GFOD1: variants seen among roughly 807,000 people sequenced by gnomAD.
The protein encoded by GFOD1 is glucose-fructose oxidoreductase domain-containing protein 1.
A neutral mutation model predicts 25.4 loss-of-function variants in GFOD1; 9 were observed. The ratio of observed to expected loss-of-function variants is 0.35; its 90% CI spans 0.21 to 0.62. The LOEUF (loss-of-function observed/expected upper bound fraction) is 0.62, where lower values mean the gene tolerates loss of function less well. Among genes scored for constraint, GFOD1 ranks in the 20% least tolerant of loss-of-function variants. GFOD1 has a pLI of 0.72. For synonymous variants in GFOD1, 253 were observed against 245.6 expected, an observed-to-expected ratio of 1.03 and a Z score of -0.28; for missense variants, 403 against 556.9, an observed-to-expected ratio of 0.72 and a Z score of 2.78.
At chr6:13,381,585 C>T (rs749279980) in intron 1 of GFOD1, among the ~76,000 whole-genome samples, 39 of 152,180 alleles carry the variant, frequency 2.6e-4, no homozygotes, top group Non-Finnish European at 5.4e-4. Flanking sequence ...ACAAGTCTGG[C>T]CTGGGGCTCC....
chr6:13,434,545 G>A (rs944098214), intron 1 of GFOD1, among the ~76,000 whole-genome samples: 1 of 152,292 alleles, frequency 6.6e-6, no homozygotes, highest in African/African-American at 2.4e-5. Flanking sequence ...AGGGCATTAT[G>A]GGAACACAGA....
At chr6:13,465,318 C>A (rs151027780) in intron 1 of GFOD1, among the ~76,000 whole-genome samples, 1 of 152,116 alleles carries the variant, frequency 6.6e-6, no homozygotes, top group Non-Finnish European at 1.5e-5. Flanking sequence ...ATGCATCCCA[C>A]AGGCAGGGGT....
intron 1 of GFOD1, among the ~76,000 whole-genome samples, chr6:13,419,081 A>T (rs949626714): frequency 6.6e-6 from 1 of 152,180 alleles, no homozygotes; most frequent in African/African-American, 2.4e-5. Flanking sequence ...AAGGCTTGGC[A>T]TGGAGGAGAA....
In GFOD1 at chr6:13,460,584, A is replaced by C. The variant is rs115475458; in HGVS notation, c.253+26054T>G. Reference sequence around the variant, plus strand: ...CTGTGAACAGAAAAGCAAACACTACATGTTCTAACTTATAAGTGGGAGCTG... The same window carrying C: ...CTGTGAACAGAAAAGCAAACACTACCTGTTCTAACTTATAAGTGGGAGCTG... On this transcript the variant is annotated intron_variant, in intron 1 of 1. Coordinates refer to ENST00000379287, the MANE Select transcript of GFOD1 (RefSeq NM_018988.4). 3.4e-3 allele frequency among the ~76,000 whole-genome samples: 511 copies of C among 152,150 alleles called. 3 individuals are homozygous for C. Among genetic ancestry groups the C allele is most frequent in the African/African-American group, 0.012 (479 of 41,534 alleles).
In GFOD1 at chr6:13,486,821, C is replaced by G; in HGVS notation, c.70G>C (p.Glu24Gln). ...CACAGCGCCTTCACCGCGAAGCCCT[C>G]GTCTTTCAGCAGCGGGATGATGACA... ...ARVIIPLLKD[E>Q]GFAVKALWGR... The change falls in exon 1 of 2, where the codon GAG becomes CAG. Residue 24 changes from glutamate (E) to glutamine (Q), a missense_variant. Physicochemically the swap from Glu to Gln is conservative, Grantham distance 29. Transcript: ENST00000379287. 1 of 1,613,918 alleles carries G rather than the reference C, an allele frequency of 6.2e-7. No homozygotes were observed. The highest frequency in any genetic ancestry group is 8.5e-7 in the Non-Finnish European group (1 of 1,180,018).
chr6:13,450,233 A>G (rs1030091221), intron 1 of GFOD1, among the ~76,000 whole-genome samples: 3 of 152,218 alleles, frequency 2.0e-5, no homozygotes, highest in African/African-American at 4.8e-5. Context: ...AGTAATCATG[A>G]CGCCACAGTT....
intron 1 of GFOD1, among the ~76,000 whole-genome samples, chr6:13,461,014 C>T (rs1401215799): frequency 6.6e-6 from 1 of 152,166 alleles, no homozygotes; most frequent in African/African-American, 2.4e-5. Context: ...TCCAGTCTTC[C>T]AGAACTGTGA....
At chr6:13,367,776 G>A (rs1235314907) in intron 1 of GFOD1, among the ~76,000 whole-genome samples, 1 of 149,724 alleles carries the variant, frequency 6.7e-6, no homozygotes, top group African/African-American at 2.5e-5. Context: ...AAAAAAAAAA[G>A]AATGACACAG....
intron 1 of GFOD1, among the ~76,000 whole-genome samples, chr6:13,404,243 C>A (rs552780316): frequency 6.6e-6 from 1 of 152,280 alleles, no homozygotes; most frequent in African/African-American, 2.4e-5. Flanking sequence ...CTGATCCAGG[C>A]TCAGCCTTTT....
Position 13,363,659 on chromosome 6 carries a change from G to C in GFOD1, c.*1084C>G, listed in dbSNP as rs184281060. 7.5e-6 allele frequency: 1 copy of C among 133,854 alleles called. No individual in the cohort carries two copies. The highest frequency in any genetic ancestry group is 2.4e-4 in the East Asian group (1 of 4,252). The allele number at this position is 133,854 out of a possible 1,614,324, so 8.3% of individuals were successfully genotyped here. On this transcript the variant is annotated 3_prime_UTR_variant, in exon 2 of 2. Transcript: ENST00000379287. ...ACAAAGCTGGATGAATCTCCTAAAA[G>C]CTCTTGCCCAGCTTGGTAGGAGAGA...
At chr6:13,395,909 G>C (rs1785719986) in intron 1 of GFOD1, among the ~76,000 whole-genome samples, 1 of 152,208 alleles carries the variant, frequency 6.6e-6, no homozygotes, top group South Asian at 2.1e-4. Flanking sequence ...GTCTAGCTGT[G>C]CTTTGTTTAC....
In GFOD1 at chr6:13,364,955, C is replaced by T. The variant is rs1446829662; in HGVS notation, c.961G>A (p.Asp321Asn). 4.3e-6 allele frequency: 7 copies of T among 1,610,548 alleles called. No homozygotes were observed. Among genetic ancestry groups the T allele is most frequent in the Non-Finnish European group, 5.1e-6 (6 of 1,179,794 alleles). Residue 321 changes from aspartate (D) to asparagine (N), a missense_variant, in exon 2 of 2, where the codon GAC (aspartate) becomes AAC (asparagine). Coordinates refer to ENST00000379287, the MANE Select transcript of GFOD1 (RefSeq NM_018988.4). This position sits in a 1 kb window ranked among gnomAD's most constrained non-coding sequence, Gnocchi z 4.1. ...QAVRQAFQDQ[D>N]DRRTWDGRPL... ...CGCCCATCCCACGTGCGCCGGTCGT[C>T]CTGGTCCTGGAAGGCCTGGCGCACC...
In GFOD1 at chr6:13,476,680, T is replaced by C. The variant is rs185055125; in HGVS notation, c.253+9958A>G. On this transcript the variant is annotated intron_variant, in intron 1 of 1. Transcript: ENST00000379287. ...TACAATTGTGGAGTAATTTATAGTTTCAGTTTAAGGACATTAATCAAAGAA... is the reference window on the plus strand; with the variant it reads ...TACAATTGTGGAGTAATTTATAGTTCCAGTTTAAGGACATTAATCAAAGAA... Among the ~76,000 whole-genome samples the C allele has an allele frequency of 3.6e-4, 55 of 152,336 alleles. 1 individual carries two copies. In the East Asian group the frequency reaches 0.011, roughly 29 times the overall value.
At chr6:13,484,575 T>C (rs999292678) in intron 1 of GFOD1, among the ~76,000 whole-genome samples, 1 of 152,226 alleles carries the variant, frequency 6.6e-6, no homozygotes, top group African/African-American at 2.4e-5. Context: ...ATTACTAAAC[T>C]AGGTCTATTA....
intron 1 of GFOD1, among the ~76,000 whole-genome samples, chr6:13,455,818 G>C (rs557914659): frequency 5.9e-5 from 9 of 152,322 alleles, no homozygotes; most frequent in African/African-American, 2.2e-4. Flanking sequence ...AACAGGGAGG[G>C]GGACTCATTA....
rs1784916101 is a variant in GFOD1 at position 13,359,569 on chromosome 6, C to T, written c.*5174G>A. ...GCCAAATAAAATACAAGTTAGAGGT[C>T]ATTGTTCACATTACAGTCACAATGG... On this transcript the variant is annotated 3_prime_UTR_variant, in exon 2 of 2. Coordinates refer to ENST00000379287, the MANE Select transcript of GFOD1 (RefSeq NM_018988.4). 1 of 152,194 alleles carries T rather than the reference C, an allele frequency of 6.6e-6. No individual in the cohort carries two copies. Among genetic ancestry groups the T allele is most frequent in the Non-Finnish European group, 1.5e-5 (1 of 68,044 alleles). 9.4% of individuals were successfully genotyped at this position (152,194 alleles called of 1,614,324 possible). A position where few individuals can be genotyped will look rare whatever the true frequency, so the allele number is the denominator to read the frequency against.
chr6:13,427,803 C>T (rs1757667387), intron 1 of GFOD1, among the ~76,000 whole-genome samples: 1 of 152,344 alleles, frequency 6.6e-6, no homozygotes, highest in East Asian at 1.9e-4. Context: ...CTTCCTTAGA[C>T]TTGTACGTAA....
chr6:13,483,425 C>T (rs1017044141), intron 1 of GFOD1, among the ~76,000 whole-genome samples: 1 of 152,126 alleles, frequency 6.6e-6, no homozygotes, highest in Non-Finnish European at 1.5e-5. Flanking sequence ...GGGCTCACTT[C>T]TTCAGGATGT....
At chr6:13,449,901 C>T (rs1322558152) in intron 1 of GFOD1, among the ~76,000 whole-genome samples, 1 of 152,098 alleles carries the variant, frequency 6.6e-6, no homozygotes, top group South Asian at 2.1e-4. Flanking sequence ...AGACTTTGTA[C>T]TTCCTCTCAA....
Sources: allele counts gnomAD v4.1 joint callset (sites outside exome capture counted in the v4.1 genomes callset), GRCh38; gene constraint gnomAD v4.1.1; non-coding constraint Gnocchi (gnomAD v3.1); transcripts MANE v1.5; gene names NCBI Gene and HGNC (gene_info 2026-07-23, HGNC 2026-07-21).